HECTD4: variants seen among roughly 807,000 people sequenced by gnomAD.
HECTD4 encodes HECT domain E3 ubiquitin protein ligase 4, also known as probable E3 ubiquitin-protein ligase HECTD4.
Under a neutral mutation model 471.5 loss-of-function variants are expected in HECTD4, and 114 were observed. That is an observed-to-expected ratio of 0.24 (90% CI 0.21 to 0.28). The LOEUF (loss-of-function observed/expected upper bound fraction) is 0.28. HECTD4 is among the 10% of genes least tolerant of loss of function. The pLI, the probability that HECTD4 is intolerant of heterozygous loss-of-function variation, is 1.00. For synonymous variants in HECTD4, 2,012 were observed against 2,256.0 expected (o/e 0.89, Z 3.07); for missense variants, 3,866 against 5,651.5 (o/e 0.68, Z 10.13).
At chr12:112,324,081 T>TC (rs1324584798) in intron 1 of HECTD4, among the ~76,000 whole-genome samples, 2,875 of 82,288 alleles carry the variant, frequency 0.035, 575 homozygotes, top group East Asian at 0.33. Context: ...TTTCTTTCTT[T>TC]CTTTCTTTCT....
chr12:112,340,090 C>A (rs1051512801), intron 1 of HECTD4, among the ~76,000 whole-genome samples: 5 of 151,618 alleles, frequency 3.3e-5, no homozygotes, highest in South Asian at 4.2e-4. Flanking sequence ...ACAGTATTTT[C>A]AATTTATGAT....
intron 9 of HECTD4, 42 bp downstream of exon 9, chr12:112,279,186 T>C: frequency 1.3e-6 from 2 of 1,531,424 alleles, no homozygotes; most frequent in African/African-American, 2.8e-5. Context: ...TTTCAGAGTT[T>C]GAGATAAATC....
intron 20 of HECTD4, among the ~76,000 whole-genome samples, chr12:112,258,058 G>T (rs150785881): frequency 6.6e-6 from 1 of 151,990 alleles, no homozygotes; most frequent in African/African-American, 2.4e-5. Context: ...GTGTGGTGGC[G>T]TACGCCTGTA....
intron 1 of HECTD4, among the ~76,000 whole-genome samples, chr12:112,329,649 T>C (rs2135713748): frequency 6.6e-6 from 1 of 152,306 alleles, no homozygotes; most frequent in South Asian, 2.1e-4. Flanking sequence ...ATTACAGGCA[T>C]GAGCCACCAC....
intron 2 of HECTD4, among the ~76,000 whole-genome samples, chr12:112,316,234 G>A (rs1217620235): frequency 2.0e-5 from 3 of 151,956 alleles, no homozygotes; most frequent in Admixed American, 6.6e-5. Flanking sequence ...CTCCATTTAC[G>A]TGGAACTCTC....
chr12:112,169,029 ACTAG>A (rs773402106), intron 70 of HECTD4, among the ~76,000 whole-genome samples: 4 of 152,172 alleles, frequency 2.6e-5, no homozygotes, highest in Non-Finnish European at 5.9e-5. Context: ...CTGTGGAGAA[ACTAG>A]CTTTCTTCTC....
rs1440592601 is a variant in HECTD4 at position 112,194,109 on chromosome 12, G to C, written c.8750-435C>G. Among the ~76,000 whole-genome samples, 8 of 152,186 alleles carry C rather than the reference G, an allele frequency of 5.3e-5. No homozygotes were observed. The highest frequency in any genetic ancestry group is 1.2e-4 in the Non-Finnish European group (8 of 68,022). On this transcript the variant is annotated intron_variant, in intron 56 of 75. Coordinates refer to ENST00000682272, the MANE Select transcript of HECTD4 (RefSeq NM_001388303.1). This position sits in a 1 kb window ranked among gnomAD's most constrained non-coding sequence, Gnocchi z 4.6. ...TGCCACCACATTTGATGCTTTCCAG[G>C]TATATTTCAGGGCATCTAAGTTCTT...
chr12:112,169,675 G>A lies in HECTD4; in HGVS notation c.12053-17C>T. 2.5e-6 allele frequency: 4 copies of A among 1,612,104 alleles called. No homozygotes were observed. The highest frequency in any genetic ancestry group is 3.4e-6 in the Non-Finnish European group (4 of 1,179,850). On this transcript the variant is annotated splice_polypyrimidine_tract_variant and intron_variant, in intron 69 of 75. Coordinates refer to ENST00000682272, the MANE Select transcript of HECTD4 (RefSeq NM_001388303.1). The stretch of plus-strand genomic sequence containing the variant: ...TGATTTCCCCTGGAAAGTGAGATGA[G>A]CTGATCAAAGCACCCCGCCGTGGCC...
At chr12:112,313,211 C>A in intron 3 of HECTD4, 64 bp from the exon 4 acceptor site, 11 of 1,386,504 alleles carry the variant, frequency 7.9e-6, no homozygotes, top group Non-Finnish European at 1.0e-5. Flanking sequence ...AGAAGTATAC[C>A]TGCTACCCCA....
At chr12:112,362,018 T>C (rs1294532056) in intron 1 of HECTD4, among the ~76,000 whole-genome samples, 1 of 152,174 alleles carries the variant, frequency 6.6e-6, no homozygotes. Flanking sequence ...GGATCAGAAT[T>C]TGGGAGCACT....
At chr12:112,229,608 GATA>G (rs1353154691) in intron 41 of HECTD4, 87 bp downstream of exon 41, 5 of 1,302,408 alleles carry the variant, frequency 3.8e-6, no homozygotes, top group Non-Finnish European at 5.3e-6. Flanking sequence ...CAGCTGGTTG[GATA>G]ATACTTGTCT....
intron 1 of HECTD4, among the ~76,000 whole-genome samples, chr12:112,339,823 T>A (rs1594058186): frequency 6.6e-6 from 1 of 152,078 alleles, no homozygotes; most frequent in East Asian, 1.9e-4. Context: ...CTGAGGCAGG[T>A]GGATTACCTA....
intron 54 of HECTD4, among the ~76,000 whole-genome samples, chr12:112,202,277 C>T (rs1308286514): frequency 6.6e-6 from 1 of 151,828 alleles, no homozygotes; most frequent in African/African-American, 2.4e-5. Context: ...ATGATCTCGG[C>T]TCACCGCAAC....
chr12:112,181,572 C>T (rs1016106520), intron 62 of HECTD4, among the ~76,000 whole-genome samples: 2 of 152,114 alleles, frequency 1.3e-5, no homozygotes, highest in Non-Finnish European at 2.9e-5. Flanking sequence ...AAGTGATCTT[C>T]CCACCTTAGC....
Position 112,319,138 on chromosome 12 carries a change from T to C in HECTD4, c.695+87A>G. 7.8e-7 allele frequency: 1 copy of C among 1,281,042 alleles called. No homozygotes were observed. The highest frequency in any genetic ancestry group is 1.1e-6 in the Non-Finnish European group (1 of 940,008). 79.4% of individuals were successfully genotyped at this position (1,281,042 alleles called of 1,614,324 possible). Reference sequence around the variant, plus strand: ...GGACTTCTGAATGTTAAGACTTCTATCAAATATACTTGGCCTCTTCTTCAT... The same window carrying C: ...GGACTTCTGAATGTTAAGACTTCTACCAAATATACTTGGCCTCTTCTTCAT... On this transcript the variant is annotated intron_variant, in intron 2 of 75. Coordinates refer to ENST00000682272, the MANE Select transcript of HECTD4 (RefSeq NM_001388303.1). This position sits in a 1 kb window ranked among gnomAD's most constrained non-coding sequence, Gnocchi z 5.3.
Position 112,228,283 on chromosome 12 carries a change from A to G in HECTD4, c.6685-25T>C. ...CCTGATGGCGGTGGGGGGGCATGGCAAAAAGTTAAATTCAAGTAGTTAGTT... is the reference window on the plus strand; with the variant it reads ...CCTGATGGCGGTGGGGGGGCATGGCGAAAAGTTAAATTCAAGTAGTTAGTT... On this transcript the variant is annotated intron_variant, in intron 42 of 75. Coordinates refer to ENST00000682272, the MANE Select transcript of HECTD4 (RefSeq NM_001388303.1). The surrounding 1 kb of genome is among the most constrained non-coding windows in gnomAD (Gnocchi z 4.9). 3 of 1,542,524 alleles carry G rather than the reference A, an allele frequency of 1.9e-6. No homozygotes were observed. The South Asian group carries it at 3.8e-5, about 19-fold the overall frequency.
At chr12:112,206,533 C>CTTTT (rs60701313) in intron 52 of HECTD4, among the ~76,000 whole-genome samples, 12 of 111,484 alleles carry the variant, frequency 1.1e-4, no homozygotes, top group Non-Finnish European at 1.4e-4. Flanking sequence ...ATAGAATCTG[C>CTTTT]TTTTTTTTTT....
intron 7 of HECTD4, among the ~76,000 whole-genome samples, chr12:112,296,893 ATGTAGGTGCAGATGG>A (rs1290759882): frequency 2.4e-5 from 3 of 125,076 alleles, no homozygotes; most frequent in African/African-American, 6.2e-5. Flanking sequence ...GGTGCAGTGG[ATGTAGGTGCAGATGG>A]TGTAGGTGCA....
chr12:112,204,959 C>A (rs2032530979), intron 52 of HECTD4, among the ~76,000 whole-genome samples: 2 of 151,582 alleles, frequency 1.3e-5, no homozygotes, highest in African/African-American at 4.8e-5. Context: ...ATGGTGAAAC[C>A]CCGTCTCTAC....
Sources: allele counts gnomAD v4.1 joint callset (sites outside exome capture counted in the v4.1 genomes callset), GRCh38; gene constraint gnomAD v4.1.1; non-coding constraint Gnocchi (gnomAD v3.1); transcripts MANE v1.5; gene names NCBI Gene and HGNC (gene_info 2026-07-23, HGNC 2026-07-21).